The following SEC63 variants were observed in gnomAD, a reference collection of about 807,000 sequenced individuals.
SEC63 encodes SEC63 protein translocation regulator.
In SEC63, 56 loss-of-function variants were observed where a neutral mutation model predicts 116.2. That is an observed-to-expected ratio of 0.48 (90% CI 0.39 to 0.60). SEC63 has a LOEUF of 0.60. Among genes scored for constraint, SEC63 ranks in the 20% least tolerant of loss-of-function variants. SEC63 has a pLI of 0.00. For missense variants in SEC63, 668 were observed against 900.0 expected, an observed-to-expected ratio of 0.74 and a Z score of 3.30; for synonymous variants, 273 against 294.6, an observed-to-expected ratio of 0.93 and a Z score of 0.75.
intron 7 of SEC63, 75 bp from the exon 8 acceptor site, chr6:107,909,110 G>T: frequency 1.9e-6 from 2 of 1,025,750 alleles, no homozygotes; most frequent in Non-Finnish European, 3.0e-6. Context: ...GCTCATTCCT[G>T]TAATCCCAGC....
intron 12 of SEC63, among the ~76,000 whole-genome samples, chr6:107,902,540 A>C (rs1261098342): frequency 6.6e-6 from 1 of 152,180 alleles, no homozygotes; most frequent in African/African-American, 2.4e-5. Context: ...GCCAAGAATA[A>C]AATGACTGTA....
At chr6:107,919,370 G>C (rs1291061759) in intron 4 of SEC63, among the ~76,000 whole-genome samples, 1 of 152,198 alleles carries the variant, frequency 6.6e-6, no homozygotes, top group Non-Finnish European at 1.5e-5. Context: ...GAACAGATGA[G>C]TTGCTTCTTA....
At chr6:107,901,685 T>C (rs919760627) in intron 12 of SEC63, among the ~76,000 whole-genome samples, 168 bp from the exon 13 acceptor site, 4 of 152,134 alleles carry the variant, frequency 2.6e-5, no homozygotes, top group African/African-American at 9.6e-5. Flanking sequence ...TCATGACCTT[T>C]TTCTCCAAGA....
chr6:107,900,862 T>C (rs909525947), intron 13 of SEC63, among the ~76,000 whole-genome samples: 2 of 152,170 alleles, frequency 1.3e-5, no homozygotes, highest in African/African-American at 4.8e-5. Flanking sequence ...AGCAATTATA[T>C]AGGTAGAAAA....
At chr6:107,918,556 G>T (rs1233921441) in intron 4 of SEC63, among the ~76,000 whole-genome samples, 1 of 151,942 alleles carries the variant, frequency 6.6e-6, no homozygotes, top group Non-Finnish European at 1.5e-5. Flanking sequence ...GCCAGGCATG[G>T]TGGTGCATGC....
At chr6:107,904,543 G>GTAC in intron 11 of SEC63, 86 bp downstream of exon 11, 1 of 1,001,044 alleles carries the variant, frequency 1.0e-6, no homozygotes, top group Admixed American at 1.7e-5. Flanking sequence ...AGAAGTCTGA[G>GTAC]TACCCATAAA....
chr6:107,879,391 A>G (rs1786356486), intron 18 of SEC63, among the ~76,000 whole-genome samples: 1 of 152,182 alleles, frequency 6.6e-6, no homozygotes, highest in Non-Finnish European at 1.5e-5. Context: ...CAATGGCACA[A>G]TCTCAGCTTA....
chr6:107,953,360 G>A (rs1396498133), intron 1 of SEC63, among the ~76,000 whole-genome samples: 1 of 152,266 alleles, frequency 6.6e-6, no homozygotes, highest in Non-Finnish European at 1.5e-5. Context: ...ATGTGCTTCA[G>A]AATTTTTCAG....
At chr6:107,881,506 T>C (rs1786414387) in intron 17 of SEC63, among the ~76,000 whole-genome samples, 1 of 152,084 alleles carries the variant, frequency 6.6e-6, no homozygotes, top group African/African-American at 2.4e-5. Context: ...TGTCACTGCC[T>C]CCCTCCTTGT....
chr6:107,913,229 TGA>T lies in SEC63; in HGVS notation c.514+135_514+136del, dbSNP rs144138720. ...GAAAGAAAAATAAAGCAAAAATTAA[TGA>T]GAGCTCAATTTATCTATGTTAAACT... On this transcript the variant is annotated intron_variant, in intron 5 of 20. Coordinates refer to ENST00000369002, the MANE Select transcript of SEC63 (RefSeq NM_007214.5). 6.7e-4 allele frequency: 450 copies of T among 675,320 alleles called. 3 individuals are homozygous for T. The African/African-American group carries it at 7.7e-3, about 12-fold the overall frequency. The allele number at this position is 675,320 out of a possible 1,614,324, so 41.8% of individuals were successfully genotyped here. A position where few individuals can be genotyped will look rare whatever the true frequency, so the allele number is the denominator to read the frequency against.
intron 19 of SEC63, among the ~76,000 whole-genome samples, chr6:107,874,653 T>C (rs1382685319): frequency 1.3e-5 from 2 of 150,224 alleles, no homozygotes. Context: ...TAAAGAGGCA[T>C]GACAACCAAA....
At chr6:107,906,365 C>T (rs1365036380) in intron 10 of SEC63, 83 bp downstream of exon 10, 6 of 1,456,052 alleles carry the variant, frequency 4.1e-6, no homozygotes, top group Non-Finnish European at 9.6e-7. Context: ...AATGCGAGAA[C>T]AAACTAATAC....
At chr6:107,924,780 C>T in intron 3 of SEC63, 38 bp downstream of exon 3, 2 of 938,130 alleles carry the variant, frequency 2.1e-6, no homozygotes, top group Non-Finnish European at 3.5e-6. Context: ...TTCATGGGAC[C>T]ATTAAACTAA....
At position 107,876,665 on chromosome 6, in the gene SEC63, G is replaced by GCAAAA; in HGVS notation, c.1936-4_1936-3insTTTTG. The GCAAAA allele has an allele frequency of 1.5e-6, 1 of 655,712 alleles. No individual in the cohort carries two copies. The highest frequency in any genetic ancestry group is 2.0e-6 in the Non-Finnish European group (1 of 497,442). 40.6% of individuals were successfully genotyped at this position (655,712 alleles called of 1,614,324 possible). A position where few individuals can be genotyped will look rare whatever the true frequency, so the allele number is the denominator to read the frequency against. On this transcript the variant is annotated splice_region_variant and splice_polypyrimidine_tract_variant and intron_variant, in intron 18 of 20. Coordinates refer to ENST00000369002, the MANE Select transcript of SEC63 (RefSeq NM_007214.5). ...AGCCACCACCATTCTTGTTTTTCCT[G>GCAAAA]GAAACAAAAAAAAAAAAAAAAAAAG...
intron 16 of SEC63, among the ~76,000 whole-genome samples, chr6:107,892,989 C>T (rs1786718780): frequency 6.6e-6 from 1 of 151,986 alleles, no homozygotes; most frequent in Admixed American, 6.6e-5. Context: ...CACAAAATGC[C>T]ATGTATAAGA....
intron 6 of SEC63, among the ~76,000 whole-genome samples, chr6:107,911,958 G>C (rs1054006238): frequency 6.6e-6 from 1 of 152,108 alleles, no homozygotes; most frequent in African/African-American, 2.4e-5. Context: ...TCCTAAATCT[G>C]GTAGTAACTT....
rs752018806 is a variant in SEC63, at chr6:107,883,115, ACTT to A, written c.1703_1705del (p.Glu568del). 4,037 of 1,612,242 alleles carry A rather than the reference ACTT, an allele frequency of 2.5e-3. 21 individuals carry two copies. Among genetic ancestry groups the A allele is most frequent in the Non-Finnish European group, 1.9e-3 (2,231 of 1,179,098 alleles). On this transcript the variant is annotated inframe_deletion, in exon 17 of 21. Coordinates refer to ENST00000369002, the MANE Select transcript of SEC63 (RefSeq NM_007214.5). ...TTCAGAATCACTGCCCTTATCTGAA[ACTT>A]CTTCTTCATCTTCCTTTACTGCAGC...
chr6:107,944,057 C>T (rs555459875), intron 1 of SEC63, among the ~76,000 whole-genome samples: 1 of 152,050 alleles, frequency 6.6e-6, no homozygotes, highest in Non-Finnish European at 1.5e-5. Context: ...GAGAAATGGT[C>T]GGACACGATG....
chr6:107,953,960 G>C (rs1446610605), intron 1 of SEC63, among the ~76,000 whole-genome samples: 1 of 152,190 alleles, frequency 6.6e-6, no homozygotes, highest in African/African-American at 2.4e-5. Context: ...CCCCGTCTGG[G>C]AGGTGTACCC....
Sources: allele counts gnomAD v4.1 joint callset (sites outside exome capture counted in the v4.1 genomes callset), GRCh38; gene constraint gnomAD v4.1.1; transcripts MANE v1.5; gene names NCBI Gene and HGNC (gene_info 2026-07-23, HGNC 2026-07-21).